RABGAP1: variants seen among roughly 807,000 people sequenced by gnomAD.
RABGAP1 encodes RAB GTPase activating protein 1, also known as rab GTPase-activating protein 1.
Under a neutral mutation model 137.6 loss-of-function variants are expected in RABGAP1, and 23 were observed. That is an observed-to-expected ratio of 0.17 (90% CI 0.12 to 0.24). RABGAP1 has a LOEUF of 0.24. Ranked by LOEUF, RABGAP1 falls within the 10% of genes least tolerant of loss-of-function variation. RABGAP1 has a pLI of 1.00. For missense variants in RABGAP1, 906 were observed against 1,275.8 expected, an observed-to-expected ratio of 0.71 and a Z score of 4.42; for synonymous variants, 451 against 450.7, an observed-to-expected ratio of 1.00 and a Z score of -0.01.
chr9:123,012,002 G>C (rs1329846925), intron 11 of RABGAP1, among the ~76,000 whole-genome samples: 1 of 152,164 alleles, frequency 6.6e-6, no homozygotes, highest in African/African-American at 2.4e-5. Flanking sequence ...TCTCAGAAAA[G>C]TGAATTTGCC....
intron 10 of RABGAP1, among the ~76,000 whole-genome samples, chr9:123,002,580 T>C (rs1224239673): frequency 6.6e-6 from 1 of 151,548 alleles, no homozygotes; most frequent in Non-Finnish European, 1.5e-5. Flanking sequence ...GGTTTTGTGG[T>C]TGGGTATAGA....
intron 13 of RABGAP1, among the ~76,000 whole-genome samples, chr9:123,044,945 G>T (rs2033140967): frequency 6.6e-6 from 1 of 152,070 alleles, no homozygotes; most frequent in South Asian, 2.1e-4. Flanking sequence ...ACTAAAGACT[G>T]TAATGAAGTG....
intron 2 of RABGAP1, among the ~76,000 whole-genome samples, chr9:122,972,430 G>A (rs1835517571): frequency 6.6e-6 from 1 of 152,166 alleles, no homozygotes; most frequent in Non-Finnish European, 1.5e-5. Context: ...GACTTGAGTA[G>A]GATGGCTGGG....
At chr9:123,051,428 G>T (rs1046358116) in intron 13 of RABGAP1, among the ~76,000 whole-genome samples, 1 of 150,636 alleles carries the variant, frequency 6.6e-6, no homozygotes, top group Non-Finnish European at 1.5e-5. Flanking sequence ...TGTATTTTTA[G>T]TAGAGATGGG....
At chr9:123,052,751 G>A (rs1156326333) in intron 13 of RABGAP1, among the ~76,000 whole-genome samples, 1 of 152,044 alleles carries the variant, frequency 6.6e-6, no homozygotes, top group Non-Finnish European at 1.5e-5. Flanking sequence ...CCAACATGGC[G>A]AAACCCCATC....
intron 1 of RABGAP1, among the ~76,000 whole-genome samples, chr9:122,945,731 T>C (rs1833911580): frequency 6.6e-6 from 1 of 152,232 alleles, no homozygotes; most frequent in African/African-American, 2.4e-5. Flanking sequence ...AATAAATTTT[T>C]CTCTGTACCT....
chr9:123,075,990 C>T (rs1564179046), intron 17 of RABGAP1, among the ~76,000 whole-genome samples: 1 of 152,148 alleles, frequency 6.6e-6, no homozygotes, highest in Non-Finnish European at 1.5e-5. Flanking sequence ...GCATGGAATG[C>T]TTTGGAAAAG....
intron 19 of RABGAP1, among the ~76,000 whole-genome samples, chr9:123,083,764 A>C (rs1000933890): frequency 6.6e-6 from 1 of 152,214 alleles, no homozygotes; most frequent in African/African-American, 2.4e-5. Flanking sequence ...GTGTGACCCC[A>C]GGGTAGGTTA....
In RABGAP1 at chr9:122,984,672, G is replaced by A. The variant is rs954626411; in HGVS notation, c.338G>A (p.Gly113Glu). The change falls in exon 3 of 26, where the codon GGG (glycine) becomes GAG (glutamate). Residue 113 changes from glycine to glutamate, a missense_variant. Around this residue, in one of 9 missense-constraint regions of RABGAP1, gnomAD observed 331 missense variants for 358.3 expected, o/e 0.92. Coordinates refer to ENST00000373647, the MANE Select transcript of RABGAP1 (RefSeq NM_012197.4). ...ACCATTAACCCTGTGCCATTAGTAG[G>A]GCTCCAAAAACCAGAGATGAGCCTA... ...SSTINPVPLV[G>E]LQKPEMSLPV... 7 of 1,614,020 alleles carry A rather than the reference G, an allele frequency of 4.3e-6. No individual in the cohort carries two copies. Among genetic ancestry groups the A allele is most frequent in the Non-Finnish European group, 5.1e-6 (6 of 1,180,028 alleles).
At chr9:123,031,829 T>C (rs1489876460) in intron 13 of RABGAP1, among the ~76,000 whole-genome samples, 3 of 152,120 alleles carry the variant, frequency 2.0e-5, no homozygotes, top group Non-Finnish European at 4.4e-5. Context: ...CATCTACTGG[T>C]GGAAAATGTG....
Position 123,089,855 on chromosome 9 carries a change from G to A in RABGAP1, c.2517+5G>A. The A allele has an allele frequency of 6.2e-7, 1 of 1,611,404 alleles. No individual in the cohort carries two copies. Among genetic ancestry groups the A allele is most frequent in the Non-Finnish European group, 8.5e-7 (1 of 1,177,926 alleles). On this transcript the variant is annotated splice_donor_5th_base_variant and intron_variant, in intron 20 of 25. Transcript: ENST00000373647. ...GACCCCATCGAGCGATTTGAGGTTT[G>A]TTTGCTTATGGCCTACGTGTGAGGA...
At chr9:123,081,135 C>T (rs546326865) in intron 19 of RABGAP1, among the ~76,000 whole-genome samples, 18 of 152,250 alleles carry the variant, frequency 1.2e-4, no homozygotes, top group Middle Eastern at 3.4e-3. Context: ...TTACGATTTT[C>T]TTAATATTTT....
chr9:122,946,985 G>C (rs932730589), intron 1 of RABGAP1, among the ~76,000 whole-genome samples: 1 of 152,122 alleles, frequency 6.6e-6, no homozygotes, highest in African/African-American at 2.4e-5. Context: ...GAGTGATTAA[G>C]TAGCTTATCC....
intron 13 of RABGAP1, among the ~76,000 whole-genome samples, chr9:123,057,451 G>A (rs1473246251): frequency 2.6e-5 from 4 of 150,964 alleles, no homozygotes; most frequent in Admixed American, 6.6e-5. Context: ...CATCTCAGAC[G>A]ATGGGCGGCC....
At chr9:123,094,397 G>A (rs2035120085) in intron 21 of RABGAP1, among the ~76,000 whole-genome samples, 1 of 152,116 alleles carries the variant, frequency 6.6e-6, no homozygotes, top group African/African-American at 2.4e-5. Flanking sequence ...TCATGAATGG[G>A]TGTTGAATTT....
In RABGAP1 at chr9:122,987,593, A is replaced by G. The variant is rs553524432; in HGVS notation, c.590+1174A>G. Among the ~76,000 whole-genome samples, 4 of 152,196 alleles carry G rather than the reference A, an allele frequency of 2.6e-5. No homozygotes were observed. In the South Asian group the frequency reaches 8.3e-4, roughly 32 times the overall value. ...TAAACCTCTTTTCATGCCAGTAAATATTATTAAAAATTTTAATTTATGATG... is the reference window on the plus strand; with the variant it reads ...TAAACCTCTTTTCATGCCAGTAAATGTTATTAAAAATTTTAATTTATGATG... On this transcript the variant is annotated intron_variant, in intron 4 of 25. Coordinates refer to ENST00000373647, the MANE Select transcript of RABGAP1 (RefSeq NM_012197.4).
chr9:122,990,334 C>G (rs618275), intron 6 of RABGAP1, 121 bp downstream of exon 6: 678,276 of 820,338 alleles, frequency 0.83, 288,675 homozygotes, highest in South Asian at 0.89. Flanking sequence ...TAAAAAAAAT[C>G]TGGATGATAA....
chr9:123,076,804 A>G (rs770858738), intron 19 of RABGAP1, 42 bp downstream of exon 19: 2 of 1,469,142 alleles, frequency 1.4e-6, no homozygotes, highest in East Asian at 2.5e-5. Flanking sequence ...TTTTTCACTT[A>G]GTGTCTCACT....
intron 13 of RABGAP1, among the ~76,000 whole-genome samples, chr9:123,039,576 A>G (rs943567587): frequency 1.3e-5 from 2 of 152,200 alleles, no homozygotes; most frequent in African/African-American, 4.8e-5. Context: ...TAAATAATAA[A>G]TAATATCTCT....
Sources: allele counts gnomAD v4.1 joint callset (sites outside exome capture counted in the v4.1 genomes callset), GRCh38; gene constraint gnomAD v4.1.1; regional missense constraint gnomAD v4.1.1; transcripts MANE v1.5; gene names NCBI Gene and HGNC (gene_info 2026-07-23, HGNC 2026-07-21).